The following EFCAB11 variants were observed in gnomAD, a reference collection of about 807,000 sequenced individuals.
EFCAB11 encodes EF-hand calcium-binding domain-containing protein 11.
Under a neutral mutation model 23.0 loss-of-function variants are expected in EFCAB11, and 14 were observed. The ratio of observed to expected loss-of-function variants is 0.61; its 90% CI spans 0.40 to 0.95. The LOEUF (loss-of-function observed/expected upper bound fraction) is 0.95, where lower values mean the gene tolerates loss of function less well. Ranked by LOEUF, EFCAB11 falls within the 40% of genes least tolerant of loss-of-function variation. EFCAB11 has a pLI of 0.00. For missense variants in EFCAB11, 198 were observed against 195.8 expected (o/e 1.01, Z -0.07); for synonymous variants, 65 against 66.6 (o/e 0.98, Z 0.11).
intron 5 of EFCAB11, among the ~76,000 whole-genome samples, chr14:89,891,948 G>A (rs1888983193): frequency 6.6e-6 from 1 of 151,954 alleles, no homozygotes; most frequent in African/African-American, 2.4e-5. Context: ...TGCTACCGCC[G>A]CGCGCTGCAG....
At chr14:89,954,526 G>T in intron 1 of EFCAB11, 60 bp downstream of exon 1, 1 of 1,597,030 alleles carries the variant, frequency 6.3e-7, no homozygotes, top group East Asian at 2.3e-5. Flanking sequence ...ACACGGGAGA[G>T]GAAGCGAGAG....
At chr14:89,872,027 A>C (rs762924536) in intron 5 of EFCAB11, among the ~76,000 whole-genome samples, 3 of 152,208 alleles carry the variant, frequency 2.0e-5, no homozygotes, top group Non-Finnish European at 4.4e-5. Context: ...TGAACTAATG[A>C]CTAAGTAACT....
chr14:89,948,702 T>C (rs12101164), intron 3 of EFCAB11, among the ~76,000 whole-genome samples: 14,462 of 151,840 alleles, frequency 0.095, 1,775 homozygotes, highest in African/African-American at 0.29. Context: ...CAGATGAAAA[T>C]GGGAGGTCAC....
intron 5 of EFCAB11, among the ~76,000 whole-genome samples, chr14:89,842,829 T>C (rs1887315098): frequency 6.6e-6 from 1 of 152,088 alleles, no homozygotes; most frequent in Admixed American, 6.6e-5. Flanking sequence ...AGTGGAGCCA[T>C]GATCTCTTCC....
chr14:89,830,788 G>T (rs1886857493), intron 5 of EFCAB11: 1 of 152,168 alleles, frequency 6.6e-6, no homozygotes, highest in Non-Finnish European at 1.5e-5. Flanking sequence ...CACAGATCTA[G>T]TTCTCATGCT....
intron 5 of EFCAB11, among the ~76,000 whole-genome samples, chr14:89,888,688 T>C (rs750645877): frequency 1.2e-4 from 18 of 152,092 alleles, no homozygotes; most frequent in Non-Finnish European, 2.4e-4. Flanking sequence ...GTCCAAACTA[T>C]ATCAAGGACA....
At chr14:89,804,517 A>G (rs1483778098) in intron 5 of EFCAB11, among the ~76,000 whole-genome samples, 1 of 152,202 alleles carries the variant, frequency 6.6e-6, no homozygotes, top group South Asian at 2.1e-4. Flanking sequence ...GGTGACAGAC[A>G]CTTGCATTCC....
At chr14:89,904,135 AC>A (rs1261422787) in intron 5 of EFCAB11, among the ~76,000 whole-genome samples, 2 of 151,566 alleles carry the variant, frequency 1.3e-5, no homozygotes, top group Non-Finnish European at 2.9e-5. Context: ...CCAGCACCCT[AC>A]CCCCTGACCG....
intron 5 of EFCAB11, among the ~76,000 whole-genome samples, chr14:89,920,124 A>G (rs930981851): frequency 3.9e-5 from 6 of 152,360 alleles, no homozygotes; most frequent in African/African-American, 1.4e-4. Flanking sequence ...ATATAATTCC[A>G]TAGGCAAGAT....
chr14:89,954,019 G>C lies in EFCAB11; in HGVS notation c.76-18C>G. On this transcript the variant is annotated intron_variant, in intron 1 of 5. Coordinates refer to ENST00000316738, the MANE Select transcript of EFCAB11 (RefSeq NM_145231.4). ...TTAAATACCTGAAGAACATTAAATA[G>C]CTTTAGTTAATGAGACAGAAATGGT... The C allele has an allele frequency of 6.3e-7, 1 of 1,575,538 alleles. No individual in the cohort carries two copies. The highest frequency in any genetic ancestry group is 8.7e-7 in the Non-Finnish European group (1 of 1,147,954).
rs541879414 is a variant in EFCAB11, at chr14:89,809,724, G to A, written c.411-12400C>T. ...AACTCGGCATTTTTAGTTCTTAGAA[G>A]TGGGGGCCGGGGAACCTCCAAATGT... On this transcript the variant is annotated intron_variant, in intron 5 of 5. Transcript: ENST00000316738. Among the ~76,000 whole-genome samples the A allele has an allele frequency of 1.4e-4, 22 of 152,322 alleles. No individual in the cohort carries two copies. The South Asian group carries it at 3.9e-3, about 27-fold the overall frequency.
At chr14:89,800,221 A>AAACG (rs1420546752) in intron 5 of EFCAB11, among the ~76,000 whole-genome samples, 1 of 140,680 alleles carries the variant, frequency 7.1e-6, no homozygotes, top group South Asian at 2.3e-4. Context: ...ACAAACAAAC[A>AAACG]AACGCACGCC....
chr14:89,947,086 G>A (rs1891012700), intron 3 of EFCAB11, among the ~76,000 whole-genome samples: 1 of 152,132 alleles, frequency 6.6e-6, no homozygotes, highest in South Asian at 2.1e-4. Flanking sequence ...ATTCATTACA[G>A]AAGAGAAGGG....
At chr14:89,888,128 T>C (rs1888849954) in intron 5 of EFCAB11, among the ~76,000 whole-genome samples, 1 of 152,208 alleles carries the variant, frequency 6.6e-6, no homozygotes, top group Non-Finnish European at 1.5e-5. Flanking sequence ...ATGGTCTGAA[T>C]ATTTGTGCCT....
At chr14:89,948,250 T>C (rs1017541791) in intron 3 of EFCAB11, among the ~76,000 whole-genome samples, 4 of 152,186 alleles carry the variant, frequency 2.6e-5, no homozygotes, top group Non-Finnish European at 1.5e-5. Context: ...CTCAATATCA[T>C]TGATCAGAGA....
intron 3 of EFCAB11, among the ~76,000 whole-genome samples, chr14:89,937,257 A>T (rs1047583190): frequency 6.6e-6 from 1 of 152,170 alleles, no homozygotes; most frequent in African/African-American, 2.4e-5. Context: ...TTTATATGAA[A>T]ATGGAAAGCC....
chr14:89,834,403 A>AAAACC (rs67216494), intron 5 of EFCAB11, among the ~76,000 whole-genome samples: 4 of 101,428 alleles, frequency 3.9e-5, no homozygotes, highest in Admixed American at 1.2e-4. Flanking sequence ...AAAAAAAAAA[A>AAAACC]CCTTTTTGTT....
chr14:89,883,133 T>C (rs1328233611), intron 5 of EFCAB11, among the ~76,000 whole-genome samples: 8 of 152,152 alleles, frequency 5.3e-5, no homozygotes, highest in Admixed American at 5.2e-4. Flanking sequence ...CCATCAGAAT[T>C]TTTAGCCAAA....
intron 5 of EFCAB11, among the ~76,000 whole-genome samples, chr14:89,885,923 A>G (rs1415070810): frequency 6.6e-6 from 1 of 151,580 alleles, no homozygotes; most frequent in East Asian, 1.9e-4. Context: ...TGACTCTAAA[A>G]TTTATTTTAA....
Sources: gnomAD v4.1 joint callset for allele counts (sites outside exome capture counted in the v4.1 genomes callset) on GRCh38, gnomAD v4.1.1 for gene constraint, MANE v1.5 for transcripts, NCBI Gene and HGNC (gene_info 2026-07-23, HGNC 2026-07-21) for gene names.